Variants in CACHD1 observed in about 807,000 individuals in gnomAD.
The protein encoded by CACHD1 is cache domain containing 1, also known as VWFA and cache domain-containing protein 1.
A neutral mutation model predicts 138.7 loss-of-function variants in CACHD1; 71 were observed. The observed-to-expected ratio is 0.51, with a 90% CI of 0.42 to 0.62. The LOEUF (loss-of-function observed/expected upper bound fraction) is 0.62. Among genes scored for constraint, CACHD1 ranks in the 20% least tolerant of loss-of-function variants. The pLI, the probability that CACHD1 is intolerant of heterozygous loss-of-function variation, is 0.00. For missense variants in CACHD1, 1,389 were observed against 1,625.3 expected (o/e 0.85, Z 2.50); for synonymous variants, 578 against 591.5 (o/e 0.98, Z 0.33).
chr1:64,585,783 A>G (rs1417846540), intron 3 of CACHD1, among the ~76,000 whole-genome samples: 1 of 152,252 alleles, frequency 6.6e-6, no homozygotes, highest in East Asian at 1.9e-4. Context: ...TTGGCTTTGA[A>G]TGGAGCCCAC....
intron 3 of CACHD1, among the ~76,000 whole-genome samples, chr1:64,594,494 C>A (rs531984379): frequency 6.6e-6 from 1 of 152,234 alleles, no homozygotes; most frequent in South Asian, 2.1e-4. Flanking sequence ...GCAATTTGTG[C>A]CATTTCCCTG....
At chr1:64,475,988 A>G (rs573799608) in intron 1 of CACHD1, among the ~76,000 whole-genome samples, 1 of 152,320 alleles carries the variant, frequency 6.6e-6, no homozygotes, top group Non-Finnish European at 1.5e-5. Flanking sequence ...GAAACAGGAT[A>G]TTATGGGAGC....
chr1:64,661,848 T>C (rs768600529), intron 13 of CACHD1, among the ~76,000 whole-genome samples: 3 of 152,164 alleles, frequency 2.0e-5, no homozygotes, highest in Non-Finnish European at 2.9e-5. Context: ...TTATTTAATG[T>C]TTTCTGGGAA....
intron 1 of CACHD1, among the ~76,000 whole-genome samples, chr1:64,497,245 G>C (rs887209667): frequency 6.6e-6 from 1 of 152,158 alleles, no homozygotes; most frequent in Non-Finnish European, 1.5e-5. Context: ...GTCATCCTTT[G>C]ATTATCCAGT....
intron 4 of CACHD1, among the ~76,000 whole-genome samples, chr1:64,619,085 G>A (rs76307471): frequency 0.043 from 6,598 of 152,212 alleles, 493 homozygotes; most frequent in African/African-American, 0.15. Context: ...GGCAGGCAAG[G>A]AGTTTGGGGG....
chr1:64,646,336 C>G (rs1289618055), intron 8 of CACHD1, among the ~76,000 whole-genome samples: 2 of 152,204 alleles, frequency 1.3e-5, no homozygotes, highest in African/African-American at 4.8e-5. Context: ...GAACAGTAAT[C>G]TGATTCTGAC....
intron 2 of CACHD1, among the ~76,000 whole-genome samples, chr1:64,568,216 G>A (rs1017415561): frequency 6.6e-6 from 1 of 152,092 alleles, no homozygotes; most frequent in Non-Finnish European, 1.5e-5. Context: ...AGAACTTTTA[G>A]CTAATTGAGT....
At chr1:64,582,948 T>C (rs577825086) in intron 3 of CACHD1, among the ~76,000 whole-genome samples, 3 of 152,342 alleles carry the variant, frequency 2.0e-5, no homozygotes, top group Non-Finnish European at 4.4e-5. Context: ...AGTTACTTAA[T>C]GTTTATTTTT....
At chr1:64,644,758 G>C (rs1648848142) in intron 8 of CACHD1, among the ~76,000 whole-genome samples, 1 of 152,200 alleles carries the variant, frequency 6.6e-6, no homozygotes. Flanking sequence ...TAGGGAAACA[G>C]ATTGACTAAG....
In CACHD1 at chr1:64,648,722, C is replaced by A. The variant is rs1648991692; in HGVS notation, c.1390+688C>A. Among the ~76,000 whole-genome samples the A allele has an allele frequency of 2.0e-5, 3 of 152,094 alleles. No individual in the cohort carries two copies. In the South Asian group the frequency reaches 6.2e-4, roughly 32 times the overall value. Reference sequence around the variant, plus strand: ...CACCGTCATCCTGATGCCTAAGTTACCCATAACAGGATGTTGAGTAAAGTA... The same window carrying A: ...CACCGTCATCCTGATGCCTAAGTTAACCATAACAGGATGTTGAGTAAAGTA... On this transcript the variant is annotated intron_variant, in intron 9 of 26. Transcript: ENST00000651257.
chr1:64,661,164 A>C (rs1213996489), intron 13 of CACHD1, among the ~76,000 whole-genome samples: 1 of 152,156 alleles, frequency 6.6e-6, no homozygotes, highest in African/African-American at 2.4e-5. Context: ...AATGGCAAAG[A>C]AGTGGTTTCC....
intron 1 of CACHD1, among the ~76,000 whole-genome samples, chr1:64,535,917 C>T (rs942532605): frequency 6.6e-6 from 1 of 152,134 alleles, no homozygotes; most frequent in Non-Finnish European, 1.5e-5. Flanking sequence ...ATAACCACCA[C>T]CTTTGCGTCA....
chr1:64,503,296 G>A (rs569425954), intron 1 of CACHD1, among the ~76,000 whole-genome samples: 2 of 152,298 alleles, frequency 1.3e-5, no homozygotes, highest in East Asian at 3.9e-4. Flanking sequence ...CAAGGACATT[G>A]AAATTGAATA....
intron 4 of CACHD1, among the ~76,000 whole-genome samples, chr1:64,608,816 C>T (rs766983477): frequency 7.2e-5 from 11 of 152,054 alleles, no homozygotes; most frequent in Non-Finnish European, 1.3e-4. Flanking sequence ...ATGGCCTGAT[C>T]CCTAAAGAGA....
intron 14 of CACHD1, 128 bp from the exon 15 acceptor site, chr1:64,664,369 TG>T: frequency 2.4e-6 from 2 of 838,340 alleles, no homozygotes; most frequent in Non-Finnish European, 3.7e-6. Context: ...CCATCTGCTG[TG>T]GAAAGATTTT....
intron 1 of CACHD1, among the ~76,000 whole-genome samples, chr1:64,477,019 A>G (rs1319907110): frequency 6.6e-6 from 1 of 152,218 alleles, no homozygotes; most frequent in Admixed American, 6.5e-5. Flanking sequence ...CAACAGGGAC[A>G]AGAATTTTGA....
intron 1 of CACHD1, among the ~76,000 whole-genome samples, chr1:64,486,350 G>GCA (rs549032174): frequency 0.076 from 9,335 of 123,230 alleles, 742 homozygotes; most frequent in African/African-American, 0.23. Flanking sequence ...GAGAGCGCGC[G>GCA]CACACACACA....
chr1:64,537,625 GC>G (rs1369326276), intron 1 of CACHD1, among the ~76,000 whole-genome samples: 1 of 152,164 alleles, frequency 6.6e-6, no homozygotes, highest in Non-Finnish European at 1.5e-5. Flanking sequence ...ACTTCCGAAG[GC>G]TTCAGAAATG....
In CACHD1 at chr1:64,586,128, G is replaced by A. The variant is rs550418104; in HGVS notation, c.410+3824G>A. On this transcript the variant is annotated intron_variant, in intron 3 of 26. Coordinates refer to ENST00000651257, the MANE Select transcript of CACHD1 (RefSeq NM_020925.4). ...ACCCAGGCTGGAGTGTGATGGCACC[G>A]TCTCGGCTCACTTCAGCCTCCATCT... is the stretch of plus-strand genomic sequence containing the variant. 5.7e-4 allele frequency among the ~76,000 whole-genome samples: 86 copies of A among 152,200 alleles called. 3 individuals carry two copies. The South Asian group carries it at 0.017, about 30-fold the overall frequency.
Sources: gnomAD v4.1 joint callset for allele counts (sites outside exome capture counted in the v4.1 genomes callset) on GRCh38, gnomAD v4.1.1 for gene constraint, MANE v1.5 for transcripts, NCBI Gene and HGNC (gene_info 2026-07-23, HGNC 2026-07-21) for gene names.